The following SERPINB5 variants were observed in gnomAD, a reference collection of about 807,000 sequenced individuals.
The protein encoded by SERPINB5 is serpin B5.
Under a neutral mutation model 32.2 loss-of-function variants are expected in SERPINB5, and 27 were observed. The observed-to-expected ratio is 0.84, with a 90% CI of 0.62 to 1.16. SERPINB5 has a LOEUF of 1.16. Ranked by LOEUF, SERPINB5 falls within the 50% of genes most tolerant of loss-of-function variation. The probability of loss-of-function intolerance (pLI) is 0.00; values close to 1 mark genes in which losing one functional copy is unlikely to be tolerated. For missense variants in SERPINB5, 388 were observed against 436.3 expected, an observed-to-expected ratio of 0.89 and a Z score of 0.99; for synonymous variants, 154 against 157.4, an observed-to-expected ratio of 0.98 and a Z score of 0.16.
In SERPINB5 at chr18:63,484,507, A is replaced by C. The variant is rs781668401; in HGVS notation, c.79A>C (p.Asn27His). Residue 27 changes from asparagine to histidine, a missense_variant, in exon 2 of 7, where the codon AAT becomes CAT. Asn to His is a moderately conservative substitution (Grantham distance 68). Coordinates refer to ENST00000382771, the MANE Select transcript of SERPINB5 (RefSeq NM_002639.5). The part of the protein sequence containing the change: ...KQLCEKEPLG[N>H]VLFSPICLST... ...ACTATGTGAAAAGGAGCCACTGGGC[A>C]ATGTCCTCTTCTCTCCAATCTGTCT... is the stretch of plus-strand genomic sequence containing the variant. The C allele has an allele frequency of 6.2e-7, 1 of 1,614,190 alleles. No individual in the cohort carries two copies. The highest frequency in any genetic ancestry group is 8.5e-7 in the Non-Finnish European group (1 of 1,180,022).
At chr18:63,483,343 A>C (rs9964231) in intron 1 of SERPINB5, among the ~76,000 whole-genome samples, 27,060 of 152,144 alleles carry the variant, frequency 0.18, 5,608 homozygotes, top group African/African-American at 0.5. Context: ...TCCTTGTAAC[A>C]CTCTGGGTAG....
intron 6 of SERPINB5, among the ~76,000 whole-genome samples, chr18:63,499,504 T>C (rs1007753224): frequency 6.6e-6 from 1 of 152,266 alleles, no homozygotes; most frequent in Non-Finnish European, 1.5e-5. Context: ...TTCTAGGGAC[T>C]GTGCTAAGTT....
chr18:63,478,515 A>T (rs529173058), intron 1 of SERPINB5, among the ~76,000 whole-genome samples: 9 of 152,188 alleles, frequency 5.9e-5, no homozygotes, highest in African/African-American at 1.9e-4. Flanking sequence ...AAACTTCAAA[A>T]TATCCTATTT....
intron 5 of SERPINB5, among the ~76,000 whole-genome samples, chr18:63,494,211 G>C (rs559596016): frequency 2.0e-5 from 3 of 150,852 alleles, no homozygotes; most frequent in African/African-American, 7.3e-5. Flanking sequence ...AATCCCAGCT[G>C]CTCAGGAGGC....
chr18:63,492,865 G>T, intron 4 of SERPINB5, 88 bp from the exon 5 acceptor site: 1 of 1,494,414 alleles, frequency 6.7e-7, no homozygotes, highest in Non-Finnish European at 9.1e-7. Flanking sequence ...TCCATGAAGT[G>T]GTAAATACTC....
At chr18:63,502,029 G>A (rs1347128619) in intron 6 of SERPINB5, among the ~76,000 whole-genome samples, 1 of 152,056 alleles carries the variant, frequency 6.6e-6, no homozygotes, top group African/African-American at 2.4e-5. Flanking sequence ...CTTTTGCTGT[G>A]CAGAAGCTCT....
chr18:63,482,450 A>G (rs1426447641), intron 1 of SERPINB5, among the ~76,000 whole-genome samples: 1 of 152,134 alleles, frequency 6.6e-6, no homozygotes, highest in African/African-American at 2.4e-5. Context: ...GAACACTTCG[A>G]GTTTAATCCC....
chr18:63,497,292 A>T lies in SERPINB5; in HGVS notation c.568-1828A>T, dbSNP rs182055463. 1,047 of 1,227,114 alleles carry T rather than the reference A, an allele frequency of 8.5e-4. 7 individuals carry two copies. The Admixed American group carries it at 9.6e-3, about 11-fold the overall frequency. The allele number at this position is 1,227,114 out of a possible 1,614,324, so 76.0% of individuals were successfully genotyped here. On this transcript the variant is annotated intron_variant, in intron 5 of 6. Coordinates refer to ENST00000382771, the MANE Select transcript of SERPINB5 (RefSeq NM_002639.5). ...TGATCATTGGTTATTCCAGGAACCC[A>T]TCTCTCAAGCAGCAGCTCTTCTCCT...
chr18:63,485,215 C>T (rs916835213), intron 2 of SERPINB5, among the ~76,000 whole-genome samples: 21 of 152,180 alleles, frequency 1.4e-4, no homozygotes, highest in African/African-American at 4.8e-4. Context: ...GCATCTGTAT[C>T]GTTTTAGGGT....
At chr18:63,485,403 C>A (rs533063614) in intron 2 of SERPINB5, among the ~76,000 whole-genome samples, 135 of 152,262 alleles carry the variant, frequency 8.9e-4, no homozygotes, top group African/African-American at 3.1e-3. Context: ...AATAGAATTT[C>A]TTTTCTATTA....
rs143819426 is a variant in SERPINB5 at position 63,483,033 on chromosome 18, T to A, written c.-7-1389T>A. 8.8e-3 allele frequency among the ~76,000 whole-genome samples: 1,336 copies of A among 152,290 alleles called. 8 individuals are homozygous for A. Among genetic ancestry groups the A allele is most frequent in the Middle Eastern group, 0.031 (9 of 294 alleles). ...GAATGATAATGTCTTAGTATTATCA[T>A]GAGAATAGTTTTAACCTCATGGACC... On this transcript the variant is annotated intron_variant, in intron 1 of 6. Coordinates refer to ENST00000382771, the MANE Select transcript of SERPINB5 (RefSeq NM_002639.5).
intron 4 of SERPINB5, among the ~76,000 whole-genome samples, chr18:63,491,117 T>A (rs1388057435): frequency 6.6e-6 from 1 of 152,172 alleles, no homozygotes; most frequent in Non-Finnish European, 1.5e-5. Context: ...AATAATGGTC[T>A]TCAGACCAGG....
chr18:63,490,048 C>T (rs988088562), intron 4 of SERPINB5, among the ~76,000 whole-genome samples: 7 of 152,020 alleles, frequency 4.6e-5, no homozygotes, highest in Admixed American at 2.6e-4. Flanking sequence ...AAAAATTAGC[C>T]GGGCGTGGTG....
intron 5 of SERPINB5, 36 bp from the exon 6 acceptor site, chr18:63,499,084 T>C (rs1909516553): frequency 7.3e-7 from 1 of 1,372,542 alleles, no homozygotes; most frequent in East Asian, 2.7e-5. Flanking sequence ...CATGTGTAAA[T>C]TGAAAAGTAA....
At chr18:63,494,748 C>T (rs1184223822) in intron 5 of SERPINB5, among the ~76,000 whole-genome samples, 1 of 152,128 alleles carries the variant, frequency 6.6e-6, no homozygotes, top group African/African-American at 2.4e-5. Flanking sequence ...TCATACTCTC[C>T]CCTGTCCACT....
At chr18:63,500,566 G>GTA (rs1308733031) in intron 6 of SERPINB5, among the ~76,000 whole-genome samples, 1 of 152,028 alleles carries the variant, frequency 6.6e-6, no homozygotes, top group Non-Finnish European at 1.5e-5. Flanking sequence ...AATAAGAGTA[G>GTA]CAGTTTTCTC....
intron 5 of SERPINB5, chr18:63,497,422 C>T: frequency 1.1e-6 from 1 of 941,902 alleles, no homozygotes; most frequent in East Asian, 2.6e-5. Flanking sequence ...GGTCACCTGC[C>T]TGTCCCTGCT....
rs771674312 is a variant in SERPINB5 at position 63,484,500 on chromosome 18, A to G, written c.72A>G (p.Pro24=). The G allele has an allele frequency of 6.2e-7, 1 of 1,614,094 alleles. No homozygotes were observed. The highest frequency in any genetic ancestry group is 1.7e-5 in the Admixed American group (1 of 60,010). The change falls in exon 2 of 7, where the codon CCA becomes CCG. Residue 24 remains proline, a synonymous_variant. Coordinates refer to ENST00000382771, the MANE Select transcript of SERPINB5 (RefSeq NM_002639.5). The stretch of plus-strand genomic sequence containing the variant: ...TCAAACAACTATGTGAAAAGGAGCC[A>G]CTGGGCAATGTCCTCTTCTCTCCAA... ...DLFKQLCEKE[P]LGNVLFSPIC... is the part of the protein sequence containing the mutation.
chr18:63,479,968 C>T (rs956597924), intron 1 of SERPINB5, among the ~76,000 whole-genome samples: 2 of 152,184 alleles, frequency 1.3e-5, no homozygotes, highest in African/African-American at 2.4e-5. Context: ...GAACAAATGC[C>T]AGCAAAGATG....
Sources: allele counts gnomAD v4.1 joint callset (sites outside exome capture counted in the v4.1 genomes callset), GRCh38; gene constraint gnomAD v4.1.1; transcripts MANE v1.5; gene names NCBI Gene and HGNC (gene_info 2026-07-23, HGNC 2026-07-21).